ADAMTSL1: variants seen among roughly 807,000 people sequenced by gnomAD.
ADAMTSL1 encodes the protein ADAMTS like 1.
A neutral mutation model predicts 201.8 loss-of-function variants in ADAMTSL1; 126 were observed. The ratio of observed to expected loss-of-function variants is 0.62; its 90% CI spans 0.54 to 0.72. The LOEUF (loss-of-function observed/expected upper bound fraction) is 0.72, where lower values mean the gene tolerates loss of function less well. Ranked by LOEUF, ADAMTSL1 falls within the 30% of genes least tolerant of loss-of-function variation. The probability of loss-of-function intolerance (pLI) is 0.00; values close to 1 mark genes in which losing one functional copy is unlikely to be tolerated. For synonymous variants in ADAMTSL1, 1,121 were observed against 903.4 expected, an observed-to-expected ratio of 1.24 and a Z score of -4.32; for missense variants, 2,679 against 2,277.8, an observed-to-expected ratio of 1.18 and a Z score of -3.59.
At chr9:18,575,241 G>A (rs1822632825) in intron 4 of ADAMTSL1, among the ~76,000 whole-genome samples, 1 of 152,110 alleles carries the variant, frequency 6.6e-6, no homozygotes, top group South Asian at 2.1e-4. Flanking sequence ...GACTATAAGA[G>A]ATGTGAGATG....
chr9:18,441,148 A>G (rs2772399), intron 2 of ADAMTSL1, among the ~76,000 whole-genome samples: 39,474 of 151,866 alleles, frequency 0.26, 5,821 homozygotes, highest in Non-Finnish European at 0.33. Flanking sequence ...GTAGATTAGT[A>G]GCTATCAGGG....
intron 2 of ADAMTSL1, among the ~76,000 whole-genome samples, chr9:18,509,118 A>G (rs1817860509): frequency 8.9e-6 from 1 of 112,606 alleles, no homozygotes; most frequent in South Asian, 3.0e-4. Context: ...CGGGAGGCGG[A>G]GCTTGCAGTG....
rs552501672 is a variant in ADAMTSL1 at position 18,688,038 on chromosome 9, A to G, written c.1574+3238A>G. Among the ~76,000 whole-genome samples the G allele has an allele frequency of 1.8e-4, 27 of 152,060 alleles. No homozygotes were observed. In the South Asian group the frequency reaches 2.7e-3, roughly 15 times the overall value. Reference sequence around the variant, plus strand: ...CATGTTGATTTTTTTTCCCTCAACAACAGATTGGTTTGTTATGACACATCT... The same window carrying G: ...CATGTTGATTTTTTTTCCCTCAACAGCAGATTGGTTTGTTATGACACATCT... On this transcript the variant is annotated intron_variant, in intron 13 of 28. Transcript: ENST00000380548.
At chr9:18,308,866 G>A (rs1353144088) in intron 2 of ADAMTSL1, among the ~76,000 whole-genome samples, 4 of 152,052 alleles carry the variant, frequency 2.6e-5, no homozygotes, top group Non-Finnish European at 5.9e-5. Flanking sequence ...AACCAAACCT[G>A]GCAGAGACAT....
intron 15 of ADAMTSL1, among the ~76,000 whole-genome samples, chr9:18,733,820 TC>T (rs1377863906): frequency 2.0e-5 from 3 of 151,942 alleles, no homozygotes; most frequent in Non-Finnish European, 4.4e-5. Flanking sequence ...CTACCCAAAT[TC>T]CCAGCTGACC....
At chr9:18,853,405 G>C (rs1240289045) in intron 23 of ADAMTSL1, among the ~76,000 whole-genome samples, 1 of 152,132 alleles carries the variant, frequency 6.6e-6, no homozygotes. Flanking sequence ...CAGCTGATTG[G>C]TTAGGGATGC....
At chr9:18,006,458 A>G (rs535967687) in intron 1 of ADAMTSL1, among the ~76,000 whole-genome samples, 17 of 152,142 alleles carry the variant, frequency 1.1e-4, no homozygotes, top group South Asian at 6.2e-4. Flanking sequence ...AGTGTCTGAC[A>G]GGAAGATTCT....
At chr9:18,620,585 G>C (rs1274381931) in intron 4 of ADAMTSL1, among the ~76,000 whole-genome samples, 2 of 152,136 alleles carry the variant, frequency 1.3e-5, no homozygotes, top group Non-Finnish European at 2.9e-5. Flanking sequence ...TAATTTTACT[G>C]CAGTTATGTA....
At chr9:18,524,202 AT>A (rs1818888451) in intron 2 of ADAMTSL1, among the ~76,000 whole-genome samples, 1 of 152,186 alleles carries the variant, frequency 6.6e-6, no homozygotes, top group South Asian at 2.1e-4. Context: ...TTCTGAAGCA[AT>A]TGTGAATGGG....
At chr9:18,667,498 C>A (rs1167279434) in intron 9 of ADAMTSL1, among the ~76,000 whole-genome samples, 1 of 152,030 alleles carries the variant, frequency 6.6e-6, no homozygotes. Flanking sequence ...AGTTGAATGG[C>A]CTTTGGCAAA....
chr9:18,095,708 GCCACTGTGGTGGC>G (rs1182764715), intron 1 of ADAMTSL1, among the ~76,000 whole-genome samples: 8 of 152,272 alleles, frequency 5.3e-5, no homozygotes, highest in Non-Finnish European at 1.2e-4. Context: ...ACAGGTGTGA[GCCACTGTGGTGGC>G]CCTCCCTGAT....
At chr9:18,129,036 C>G (rs1825848239) in intron 1 of ADAMTSL1, among the ~76,000 whole-genome samples, 1 of 152,134 alleles carries the variant, frequency 6.6e-6, no homozygotes, top group Non-Finnish European at 1.5e-5. Context: ...CTTTTCCAAA[C>G]AATTGCAGAA....
chr9:18,766,046 C>T (rs765777976), intron 16 of ADAMTSL1, among the ~76,000 whole-genome samples: 26 of 149,704 alleles, frequency 1.7e-4, no homozygotes, highest in African/African-American at 6.3e-4. Flanking sequence ...GTTTGAGGAA[C>T]AAAACAACAA....
chr9:18,251,994 T>C (rs1831481400), intron 2 of ADAMTSL1, among the ~76,000 whole-genome samples: 1 of 151,654 alleles, frequency 6.6e-6, no homozygotes, highest in South Asian at 2.1e-4. Context: ...AAGATATAAA[T>C]ATAAAATATG....
At chr9:18,786,137 C>T (rs1305168675) in intron 19 of ADAMTSL1, among the ~76,000 whole-genome samples, 2 of 152,216 alleles carry the variant, frequency 1.3e-5, no homozygotes, top group Admixed American at 1.3e-4. Flanking sequence ...GAAGAAAATA[C>T]TTATTTCTTC....
At chr9:18,049,982 G>A (rs895555450) in intron 1 of ADAMTSL1, among the ~76,000 whole-genome samples, 12 of 152,062 alleles carry the variant, frequency 7.9e-5, no homozygotes, top group African/African-American at 2.7e-4. Context: ...TATTTGAGTT[G>A]GGAACTTCTG....
chr9:18,269,007 G>A (rs1465978985), intron 2 of ADAMTSL1, among the ~76,000 whole-genome samples: 1 of 151,966 alleles, frequency 6.6e-6, no homozygotes. Context: ...ATTTCTTATA[G>A]TTTTGAAGTT....
At chr9:18,470,577 C>G (rs1355105718), upstream of ADAMTSL1, among the ~76,000 whole-genome samples, 3 of 152,136 alleles carry the variant, frequency 2.0e-5, no homozygotes, top group Non-Finnish European at 4.4e-5. Flanking sequence ...TCCAGGAGAC[C>G]CTGTGTCCCC....
intron 15 of ADAMTSL1, among the ~76,000 whole-genome samples, chr9:18,735,002 G>A (rs1450891369): frequency 6.6e-6 from 1 of 152,118 alleles, no homozygotes; most frequent in African/African-American, 2.4e-5. Context: ...TATGCCAACT[G>A]TTAAAAATGG....
Sources: allele counts gnomAD v4.1 joint callset (sites outside exome capture counted in the v4.1 genomes callset), GRCh38; gene constraint gnomAD v4.1.1; transcripts MANE v1.5; gene names NCBI Gene and HGNC (gene_info 2026-07-23, HGNC 2026-07-21).